ELMO2: variants seen among roughly 807,000 people sequenced by gnomAD.
The protein encoded by ELMO2 is engulfment and cell motility 2, also known as engulfment and cell motility protein 2.
Under a neutral mutation model 96.2 loss-of-function variants are expected in ELMO2, and 37 were observed. The observed-to-expected ratio is 0.38, with a 90% confidence interval of 0.30 to 0.51. The LOEUF (loss-of-function observed/expected upper bound fraction) is 0.51, where lower values mean the gene tolerates loss of function less well. Ranked by LOEUF, ELMO2 falls within the 20% of genes least tolerant of loss-of-function variation. ELMO2 has a pLI of 0.88. For synonymous variants in ELMO2, 315 were observed against 329.4 expected (o/e 0.96, Z 0.47); for missense variants, 561 against 912.6 (o/e 0.61, Z 4.96).
At chr20:46,387,077 C>A (rs1297137267) in intron 8 of ELMO2, among the ~76,000 whole-genome samples, 1 of 152,170 alleles carries the variant, frequency 6.6e-6, no homozygotes, top group South Asian at 2.1e-4. Context: ...GGCTTTATCC[C>A]CAGTCTCACT....
At chr20:46,394,564 G>C in intron 2 of ELMO2, 32 bp from the exon 3 acceptor site, 5 of 1,478,720 alleles carry the variant, frequency 3.4e-6, no homozygotes, top group Non-Finnish European at 2.8e-6. Context: ...GGTGGAAAAA[G>C]AGTATTTCTT....
chr20:46,406,246 C>A (rs2060440393), intron 1 of ELMO2, among the ~76,000 whole-genome samples: 1 of 152,004 alleles, frequency 6.6e-6, no homozygotes, highest in Non-Finnish European at 1.5e-5. Flanking sequence ...CTTCTCCCTC[C>A]GACCGCTGCC....
At chr20:46,397,602 C>T (rs1458654511) in intron 2 of ELMO2, among the ~76,000 whole-genome samples, 2 of 152,110 alleles carry the variant, frequency 1.3e-5, no homozygotes, top group African/African-American at 4.8e-5. Context: ...ACCCAGGAGG[C>T]GGAGGTTTCA....
chr20:46,402,366 T>C lies in ELMO2; in HGVS notation c.-125-3595A>G, dbSNP rs138336771. On this transcript the variant is annotated intron_variant, in intron 1 of 21. Transcript: ENST00000290246. Reference sequence around the variant, plus strand: ...TGCCTTCAGAAGAGAGTGAAAACACTACTGACTGAGGATTATTAATTGCCT... The same window carrying C: ...TGCCTTCAGAAGAGAGTGAAAACACCACTGACTGAGGATTATTAATTGCCT... Among the ~76,000 whole-genome samples the C allele has an allele frequency of 4.2e-4, 64 of 152,292 alleles. 1 individual carries two copies. The highest frequency in any genetic ancestry group is 1.5e-3 in the African/African-American group (63 of 41,554).
intron 10 of ELMO2, chr20:46,382,351 G>C: frequency 7.0e-6 from 7 of 1,001,196 alleles, no homozygotes; most frequent in Non-Finnish European, 9.6e-6. Context: ...ATCCAAGAAA[G>C]ACAAGGACAG....
At chr20:46,386,084 A>G in intron 9 of ELMO2, 40 bp downstream of exon 9, 1 of 1,596,298 alleles carries the variant, frequency 6.3e-7, no homozygotes, top group Non-Finnish European at 8.6e-7. Flanking sequence ...AAAAGAGGAC[A>G]GACAAGTGAA....
intron 9 of ELMO2, 32 bp from the exon 10 acceptor site, chr20:46,383,526 A>G: frequency 6.4e-7 from 1 of 1,573,696 alleles, no homozygotes; most frequent in Non-Finnish European, 8.7e-7. Flanking sequence ...AGAGAGGGAG[A>G]TTAGAAGACT....
rs780047843 is a variant in ELMO2 at position 46,367,397 on chromosome 20, T to A, written c.2126A>T (p.Glu709Val). The A allele has an allele frequency of 3.7e-6, 6 of 1,604,400 alleles. No homozygotes were observed. In the Admixed American group the frequency reaches 6.8e-5, roughly 18 times the overall value. The part of the protein sequence containing the change: ...IPEAPPPIPK[E>V]PSSYDFVYHY... ...ATAGACAAAGTCATAGCTGCTGGGC[T>A]CCTTGGGGATGGGGGGTGGGGCTTC... The change falls in exon 22 of 22, where the codon GAG becomes GTG. Residue 709 changes from glutamate (E) to valine (V), a missense_variant. Transcript: ENST00000290246.
At chr20:46,376,496 CT>C (rs1183001429) in intron 11 of ELMO2, among the ~76,000 whole-genome samples, 1 of 152,134 alleles carries the variant, frequency 6.6e-6, no homozygotes, top group Non-Finnish European at 1.5e-5. Flanking sequence ...TCCTTTGTCC[CT>C]CTGATGCCCA....
intron 6 of ELMO2, 46 bp downstream of exon 6, chr20:46,393,047 T>A: frequency 6.4e-7 from 1 of 1,566,484 alleles, no homozygotes; most frequent in Non-Finnish European, 8.8e-7. Flanking sequence ...GGTGCTCATA[T>A]TTGTTTGTGA....
intron 7 of ELMO2, 35 bp downstream of exon 7, chr20:46,389,004 C>T (rs749399359): frequency 3.1e-6 from 5 of 1,593,478 alleles, no homozygotes; most frequent in Non-Finnish European, 4.3e-6. Context: ...AGTAAATCGT[C>T]GAAGTCCTTG....
intron 1 of ELMO2, among the ~76,000 whole-genome samples, chr20:46,403,999 G>A (rs774054658): frequency 2.6e-5 from 4 of 152,260 alleles, no homozygotes; most frequent in East Asian, 3.9e-4. Context: ...CACAAGAATC[G>A]CTTGAACGTG....
chr20:46,403,521 G>A (rs1442130844), intron 1 of ELMO2, among the ~76,000 whole-genome samples: 4 of 152,208 alleles, frequency 2.6e-5, no homozygotes, highest in East Asian at 1.9e-4. Context: ...CTTGCCTAGA[G>A]GAGTTTAAAT....
At chr20:46,393,304 C>G (rs1489516524) in intron 5 of ELMO2, among the ~76,000 whole-genome samples, 161 bp from the exon 6 acceptor site, 1 of 152,180 alleles carries the variant, frequency 6.6e-6, no homozygotes, top group African/African-American at 2.4e-5. Flanking sequence ...CAAAGAATTT[C>G]TAAGATCCTC....
rs1188304504 is a variant in ELMO2, at chr20:46,371,266, A to T, written c.1801+86T>A. 1.5e-6 allele frequency: 2 copies of T among 1,338,396 alleles called. No homozygotes were observed. The highest frequency in any genetic ancestry group is 2.9e-5 in the African/African-American group (2 of 69,436). 82.9% of individuals were successfully genotyped at this position (1,338,396 alleles called of 1,614,324 possible). A position where few individuals can be genotyped will look rare whatever the true frequency, so the allele number is the denominator to read the frequency against. The stretch of plus-strand genomic sequence containing the variant: ...AGAGAGGTAACAGGTACAAGCCCAG[A>T]TGATCAGCTACAAACAGCTGGACTA... On this transcript the variant is annotated intron_variant, in intron 19 of 21. Coordinates refer to ENST00000290246, the MANE Select transcript of ELMO2 (RefSeq NM_133171.5). This position sits in a 1 kb window ranked among gnomAD's most constrained non-coding sequence, Gnocchi z 5.9.
At chr20:46,382,220 C>A in intron 10 of ELMO2, 1 of 1,289,814 alleles carries the variant, frequency 7.8e-7, no homozygotes, top group Non-Finnish European at 1.0e-6. Flanking sequence ...ACAGGCAGGT[C>A]TAGAGGATTA....
chr20:46,371,498 G>A lies in ELMO2; in HGVS notation c.1694-39C>T, dbSNP rs768828164. 1 of 1,613,022 alleles carries A rather than the reference G, an allele frequency of 6.2e-7. No homozygotes were observed. Among genetic ancestry groups the A allele is most frequent in the Non-Finnish European group, 8.5e-7 (1 of 1,179,028 alleles). ...GAAGCCAAACAGGTGAGCAACGACA[G>A]TACTGGGAAAGGCCTGGGCACAAAA... On this transcript the variant is annotated intron_variant, in intron 18 of 21. Coordinates refer to ENST00000290246, the MANE Select transcript of ELMO2 (RefSeq NM_133171.5). The surrounding 1 kb of genome is among the most constrained non-coding windows in gnomAD (Gnocchi z 5.9).
At chr20:46,389,620 G>A (rs2060115365) in intron 6 of ELMO2, among the ~76,000 whole-genome samples, 1 of 152,078 alleles carries the variant, frequency 6.6e-6, no homozygotes, top group Non-Finnish European at 1.5e-5. Context: ...AAAGGCCAAG[G>A]CAGGATTGCT....
intron 15 of ELMO2, 116 bp from the exon 16 acceptor site, chr20:46,373,651 AATTAACAGGGAGCGTGGG>A (rs1344276031): frequency 7.4e-7 from 1 of 1,350,006 alleles, no homozygotes; most frequent in Non-Finnish European, 1.0e-6. Context: ...TAAGGCGCGC[AATTAACAGGGAGCGTGGG>A]ATGGGCGTTT....
Sources: allele counts gnomAD v4.1 joint callset (sites outside exome capture counted in the v4.1 genomes callset), GRCh38; gene constraint gnomAD v4.1.1; non-coding constraint Gnocchi (gnomAD v3.1); transcripts MANE v1.5; gene names NCBI Gene and HGNC (gene_info 2026-07-23, HGNC 2026-07-21).